The following ANAPC10 variants were observed in gnomAD, a reference collection of about 807,000 sequenced individuals.
ANAPC10 encodes anaphase-promoting complex subunit 10.
Under a neutral mutation model 22.0 loss-of-function variants are expected in ANAPC10, and 12 were observed. The observed-to-expected ratio is 0.55, with a 90% CI of 0.35 to 0.88. The LOEUF is 0.88. ANAPC10 is among the 40% of genes least tolerant of loss of function. ANAPC10 has a pLI of 0.01. For missense variants in ANAPC10, 188 were observed against 220.9 expected (o/e 0.85, Z 0.94); for synonymous variants, 65 against 69.5 (o/e 0.94, Z 0.32).
At chr4:145,010,178 T>C (rs977590423) in intron 4 of ANAPC10, among the ~76,000 whole-genome samples, 1 of 152,090 alleles carries the variant, frequency 6.6e-6, no homozygotes, top group Non-Finnish European at 1.5e-5. Context: ...AAACCCCAGG[T>C]GCTGGAGGGG....
intron 4 of ANAPC10, among the ~76,000 whole-genome samples, chr4:145,019,501 G>A (rs1560830916): frequency 6.6e-6 from 1 of 152,026 alleles, no homozygotes; most frequent in Non-Finnish European, 1.5e-5. Flanking sequence ...GACTGAAAGA[G>A]CACAAACTGA....
chr4:145,077,203 A>T (rs188445442), intron 3 of ANAPC10, among the ~76,000 whole-genome samples: 1 of 152,298 alleles, frequency 6.6e-6, no homozygotes, highest in Admixed American at 6.5e-5. Flanking sequence ...TGTCTCAAAA[A>T]AAATAAATAA....
chr4:144,995,515 A>C lies in ANAPC10; in HGVS notation c.416T>G (p.Ile139Ser), dbSNP rs1731477499. 1 of 1,613,828 alleles carries C rather than the reference A, an allele frequency of 6.2e-7. No individual in the cohort carries two copies. Among genetic ancestry groups the C allele is most frequent in the African/African-American group, 1.3e-5 (1 of 74,906 alleles). ...KKPTRTFMIQ[I>S]AVLANHQNGR... ...ATTCTGGTGATTGGCTAGAACAGCA[A>C]TCTGTATCATGAATGTACGAGTTGG... The change falls in exon 5 of 5, where the codon ATT (isoleucine) becomes AGT (serine). Residue 139 changes from isoleucine to serine, a missense_variant. Physicochemically the swap from Ile to Ser is moderately radical, Grantham distance 142. Coordinates refer to ENST00000507656, the MANE Select transcript of ANAPC10 (RefSeq NM_001256706.2).
At chr4:145,004,558 T>C (rs1733057633) in intron 4 of ANAPC10, among the ~76,000 whole-genome samples, 1 of 152,220 alleles carries the variant, frequency 6.6e-6, no homozygotes, top group Non-Finnish European at 1.5e-5. Context: ...TGAAAGGATG[T>C]TGAATTTTAT....
At chr4:145,097,100 G>A in intron 1 of ANAPC10, 1 of 195,258 alleles carries the variant, frequency 5.1e-6, no homozygotes, top group South Asian at 7.4e-5. Flanking sequence ...GTCCCAGGGG[G>A]GCTGAGACAG....
chr4:145,026,991 T>A (rs75350458), intron 4 of ANAPC10, among the ~76,000 whole-genome samples: 364 of 11,658 alleles, frequency 0.031, no homozygotes, highest in East Asian at 0.037. Context: ...ATATATATTT[T>A]TTTTTTTTTT....
chr4:145,028,257 C>T (rs555285918), intron 4 of ANAPC10, among the ~76,000 whole-genome samples: 3 of 152,048 alleles, frequency 2.0e-5, no homozygotes, highest in Non-Finnish European at 4.4e-5. Context: ...CAGCTTCCAG[C>T]GAATATAAAG....
chr4:145,036,584 A>C (rs1055631708), intron 4 of ANAPC10, among the ~76,000 whole-genome samples: 1 of 152,144 alleles, frequency 6.6e-6, no homozygotes, highest in Non-Finnish European at 1.5e-5. Flanking sequence ...CCTGGGCTCA[A>C]GCAATCCTTC....
At chr4:145,094,928 T>C (rs1218222140) in intron 2 of ANAPC10, among the ~76,000 whole-genome samples, 5 of 150,224 alleles carry the variant, frequency 3.3e-5, no homozygotes, top group African/African-American at 7.4e-5. Context: ...CAACAAAGAG[T>C]AAAAGGAAAG....
intron 4 of ANAPC10, among the ~76,000 whole-genome samples, chr4:145,018,584 G>A (rs1156931892): frequency 2.0e-5 from 3 of 151,970 alleles, no homozygotes; most frequent in African/African-American, 7.3e-5. Flanking sequence ...TTTGCAGTGA[G>A]CCGAGATCGT....
At chr4:145,023,776 G>C (rs1736282281) in intron 4 of ANAPC10, among the ~76,000 whole-genome samples, 1 of 152,150 alleles carries the variant, frequency 6.6e-6, no homozygotes, top group Non-Finnish European at 1.5e-5. Context: ...GCTACTGACT[G>C]ATCAGGGTGG....
In ANAPC10 at chr4:144,995,158, T is replaced by C. The variant is rs895424797; in HGVS notation, c.*215A>G. 3.0e-6 allele frequency: 1 copy of C among 328,836 alleles called. No homozygotes were observed. Among genetic ancestry groups the C allele is most frequent in the Admixed American group, 4.4e-5 (1 of 22,488 alleles). 20.4% of individuals were successfully genotyped at this position (328,836 alleles called of 1,614,324 possible). On this transcript the variant is annotated 3_prime_UTR_variant, in exon 5 of 5. Coordinates refer to ENST00000507656, the MANE Select transcript of ANAPC10 (RefSeq NM_001256706.2). ...AATAAAATGATTGGCTTCAAATCCA[T>C]TTTTAGTAATGTAAAATATGTGAGC...
At chr4:144,995,789 T>G (rs1317378594) in intron 4 of ANAPC10, among the ~76,000 whole-genome samples, 186 bp from the exon 5 acceptor site, 2 of 152,226 alleles carry the variant, frequency 1.3e-5, no homozygotes, top group Non-Finnish European at 2.9e-5. Flanking sequence ...GCTAAGCACT[T>G]TAGATGTACC....
intron 4 of ANAPC10, chr4:145,053,863 G>C: frequency 1.9e-6 from 1 of 523,132 alleles, no homozygotes; most frequent in Admixed American, 3.5e-5. Flanking sequence ...TCAGCAGGTA[G>C]TTTCAGCAAG....
At position 145,067,342 on chromosome 4, in the gene ANAPC10, C is replaced by T. The variant is rs116272365; in HGVS notation, c.207-2650G>A. ...TATACGCCAGGCATCGTGCTATATT[C>T]GTAGCATAAGATATTACAAGAGTGG... On this transcript the variant is annotated intron_variant, in intron 3 of 4. Transcript: ENST00000507656. Among the ~76,000 whole-genome samples the T allele has an allele frequency of 4.0e-3, 616 of 152,186 alleles. 7 individuals are homozygous for T. The highest frequency in any genetic ancestry group is 0.014 in the African/African-American group (570 of 41,530).
rs372943163 is a variant in ANAPC10 at position 145,097,374 on chromosome 4, T to C, written c.-13+746A>G. ...GTTAATTTTACTAAGTCTATTCATA[T>C]GTGAAAAAACACTTCAATACTGGAT... On this transcript the variant is annotated intron_variant, in intron 1 of 4. Transcript: ENST00000507656. The C allele has an allele frequency of 4.4e-5, 32 of 733,474 alleles. No homozygotes were observed. The East Asian group carries it at 4.5e-4, about 10-fold the overall frequency. The allele number at this position is 733,474 out of a possible 1,614,324, so 45.4% of individuals were successfully genotyped here. A position where few individuals can be genotyped will look rare whatever the true frequency, so the allele number is the denominator to read the frequency against.
chr4:145,094,152 C>T (rs1021461346), intron 2 of ANAPC10, among the ~76,000 whole-genome samples: 5 of 152,152 alleles, frequency 3.3e-5, no homozygotes, highest in Admixed American at 3.3e-4. Context: ...TATTGTGGAA[C>T]AGTAATCAAC....
At chr4:145,018,845 G>C (rs538513985) in intron 4 of ANAPC10, among the ~76,000 whole-genome samples, 1 of 152,072 alleles carries the variant, frequency 6.6e-6, no homozygotes, top group Non-Finnish European at 1.5e-5. Context: ...AGTTAAAAAA[G>C]ACAAAGAGGG....
chr4:145,007,083 C>G (rs1346430267), intron 4 of ANAPC10, among the ~76,000 whole-genome samples: 2 of 151,298 alleles, frequency 1.3e-5, no homozygotes, highest in African/African-American at 4.8e-5. Flanking sequence ...GCACAGGTCA[C>G]AGCTAACTAT....
Sources: gnomAD v4.1 joint callset for allele counts (sites outside exome capture counted in the v4.1 genomes callset) on GRCh38, gnomAD v4.1.1 for gene constraint, MANE v1.5 for transcripts, NCBI Gene and HGNC (gene_info 2026-07-23, HGNC 2026-07-21) for gene names.